TEX11: variants seen among roughly 807,000 people sequenced by gnomAD.
TEX11 encodes the protein testis-expressed protein 11.
Under a neutral mutation model 84.4 loss-of-function variants are expected in TEX11, and 7 were observed. That is an observed-to-expected ratio of 0.08 (90% CI 0.05 to 0.16). The LOEUF (loss-of-function observed/expected upper bound fraction) is 0.16, where lower values mean the gene tolerates loss of function less well. Ranked by LOEUF, TEX11 falls within the 10% of genes least tolerant of loss-of-function variation. The pLI is 1.00. For synonymous variants in TEX11, 264 were observed against 222.8 expected (o/e 1.18, Z -1.64); for missense variants, 551 against 660.5 (o/e 0.83, Z 1.82).
chrX:70,517,333 G>A, the TEX11 span, among the ~76,000 whole-genome samples: 1 of 111,890 alleles, frequency 8.9e-6, no homozygotes, highest in Admixed American at 9.5e-5. Context: ...TAGCATGAAG[G>A]GCTGTTGAAT....
At position 70,725,249 on chromosome X, in the gene TEX11, AC is replaced by A. The variant is rs2090590890; in HGVS notation, c.925+12del. ...TTTCAAAATGGTGTGCTCTTCACATACAGAGATCATACCTTCAAGGAGTTCT... is the reference window on the plus strand; with the variant it reads ...TTTCAAAATGGTGTGCTCTTCACATAAGAGATCATACCTTCAAGGAGTTCT... On this transcript the variant is annotated intron_variant, in intron 12 of 29. Coordinates refer to ENST00000374333, the MANE Select transcript of TEX11 (RefSeq NM_031276.3). 2.6e-6 allele frequency: 3 copies of A among 1,148,714 alleles called. No individual in the cohort carries two copies. Among genetic ancestry groups the A allele is most frequent in the Non-Finnish European group, 3.5e-6 (3 of 847,362 alleles). The allele number at this position is 1,148,714 out of a possible 1,213,427, so 94.7% of individuals were successfully genotyped here.
intron 5 of TEX11, among the ~76,000 whole-genome samples, 195 bp downstream of exon 5, chrX:70,860,662 G>A (rs1419606524): frequency 2.7e-5 from 3 of 111,692 alleles, no homozygotes; most frequent in Non-Finnish European, 1.9e-5. Context: ...CTGAACCACC[G>A]TAATTACTAC....
intron 25 of TEX11, among the ~76,000 whole-genome samples, chrX:70,584,245 T>C (rs1042341534): frequency 2.5e-4 from 26 of 104,536 alleles, no homozygotes; most frequent in Admixed American, 3.1e-4. Context: ...ATTACGCCAC[T>C]GCAGTCCGCA....
At chrX:70,579,105 A>G (rs2088725900) in intron 25 of TEX11, among the ~76,000 whole-genome samples, 1 of 111,002 alleles carries the variant, frequency 9.0e-6, no homozygotes, top group African/African-American at 3.3e-5. Context: ...AAATATTTTC[A>G]CAAAAAATTC....
intron 4 of TEX11, among the ~76,000 whole-genome samples, chrX:70,870,927 G>A (rs1398653282): frequency 9.0e-6 from 1 of 111,254 alleles, no homozygotes; most frequent in African/African-American, 3.3e-5. Context: ...GGGGGGAGGG[G>A]GAGGGACGGA....
intron 8 of TEX11, among the ~76,000 whole-genome samples, chrX:70,817,491 T>G (rs2091294824): frequency 8.9e-6 from 1 of 112,097 alleles, no homozygotes; most frequent in South Asian, 3.7e-4. Flanking sequence ...GAAGATTGCT[T>G]GAGCCCGGGA....
At chrX:70,586,048 C>T (rs2088848945) in intron 25 of TEX11, among the ~76,000 whole-genome samples, 1 of 112,599 alleles carries the variant, frequency 8.9e-6, no homozygotes, top group South Asian at 3.6e-4. Flanking sequence ...AAAACTCCGT[C>T]TCAAAACAAA....
At chrX:70,783,108 G>C in intron 9 of TEX11, among the ~76,000 whole-genome samples, 1 of 111,398 alleles carries the variant, frequency 9.0e-6, no homozygotes, top group South Asian at 3.7e-4. Flanking sequence ...AAATGTAAAA[G>C]AACAGAAATC....
At chrX:70,783,953 G>A (rs1312857167) in intron 9 of TEX11, among the ~76,000 whole-genome samples, 1 of 111,490 alleles carries the variant, frequency 9.0e-6, no homozygotes, top group East Asian at 2.8e-4. Flanking sequence ...AGAAAAAGAG[G>A]GAAACCTCCC....
chrX:70,798,445 T>G (rs2091168655), intron 9 of TEX11, among the ~76,000 whole-genome samples: 1 of 112,035 alleles, frequency 8.9e-6, no homozygotes, highest in African/African-American at 3.2e-5. Flanking sequence ...GTCTTATCCC[T>G]GTCAACATGA....
intron 16 of TEX11, among the ~76,000 whole-genome samples, chrX:70,652,338 T>C (rs377143519): frequency 2.1e-4 from 24 of 111,708 alleles, no homozygotes; most frequent in South Asian, 7.5e-4. Flanking sequence ...TCAAGAACCA[T>C]GAGTTGTACA....
intron 25 of TEX11, among the ~76,000 whole-genome samples, chrX:70,556,583 G>GA (rs779307565): frequency 3.6e-5 from 4 of 111,681 alleles, no homozygotes; most frequent in African/African-American, 9.7e-5. Flanking sequence ...TTGTGAATTT[G>GA]AAAAAACTGT....
intron 10 of TEX11, 24 bp downstream of exon 10, chrX:70,744,141 T>A (rs2090752752): frequency 1.0e-6 from 1 of 985,354 alleles, no homozygotes; most frequent in African/African-American, 2.0e-5. Context: ...AACCTATTTC[T>A]ACAATATTTA....
intron 13 of TEX11, among the ~76,000 whole-genome samples, chrX:70,713,876 G>A (rs1247663089): frequency 9.0e-6 from 1 of 111,452 alleles, no homozygotes; most frequent in East Asian, 2.8e-4. Flanking sequence ...TCTTTTAATT[G>A]TAATGTTAGG....
At chrX:70,750,929 AAAAAATATATATATAT>A (rs1469102016) in intron 9 of TEX11, among the ~76,000 whole-genome samples, 1 of 26,669 alleles carries the variant, frequency 3.7e-5, no homozygotes, top group Admixed American at 4.4e-4. Flanking sequence ...AATAAAAAAA[AAAAAATATATATATAT>A]ATATATATAT....
chrX:70,825,427 C>G (rs1385521921), intron 8 of TEX11, among the ~76,000 whole-genome samples: 3 of 109,613 alleles, frequency 2.7e-5, no homozygotes, highest in Admixed American at 9.8e-5. Context: ...TAAGAAAAGA[C>G]AATCATAGAA....
chrX:70,838,841 C>T (rs6625693), intron 7 of TEX11, among the ~76,000 whole-genome samples: 29,426 of 111,696 alleles, frequency 0.26, 3,266 homozygotes, highest in East Asian at 0.43. Context: ...GATTATATCC[C>T]GCACATGGCT....
At position 70,605,458 on chromosome X, in the gene TEX11, A is replaced by G. The variant is rs2089185550; in HGVS notation, c.2010T>C (p.Leu670=). ...VILIARKTCL[L]MAVAVDLEQG... is the part of the protein sequence containing the mutation. ...GCTCTAGATCAACTGCAACTGCCAT[A>G]AGTAAACATGTTTTCCGTGCAATCA... The change falls in exon 24 of 30, where the codon CTT becomes CTC. Residue 670 remains leucine (L), a synonymous_variant. Transcript: ENST00000374333. 8.3e-7 allele frequency: 1 copy of G among 1,210,362 alleles called. No homozygotes were observed.
At chrX:70,786,187 G>C (rs1483503503) in intron 9 of TEX11, among the ~76,000 whole-genome samples, 1 of 111,318 alleles carries the variant, frequency 9.0e-6, no homozygotes, top group Non-Finnish European at 1.9e-5. Context: ...GATGAAGCTG[G>C]AAACCATCAT....
Sources: gnomAD v4.1 joint callset for allele counts (sites outside exome capture counted in the v4.1 genomes callset) on GRCh38, gnomAD v4.1.1 for gene constraint, MANE v1.5 for transcripts, NCBI Gene and HGNC (gene_info 2026-07-23, HGNC 2026-07-21) for gene names.